Variants in MYCBP2 observed in about 807,000 individuals in gnomAD.
MYCBP2 encodes E3 ubiquitin-protein ligase MYCBP2.
In MYCBP2, 120 loss-of-function variants were observed where a neutral mutation model predicts 525.3. That is an observed-to-expected ratio of 0.23 (90% CI 0.20 to 0.27). The LOEUF is 0.27. Ranked by LOEUF, MYCBP2 falls within the 10% of genes least tolerant of loss-of-function variation. MYCBP2 has a pLI of 1.00. For missense variants in MYCBP2, 4,149 were observed against 5,657.1 expected (o/e 0.73, Z 8.55); for synonymous variants, 1,894 against 1,955.8 (o/e 0.97, Z 0.83).
chr13:77,169,136 C>T (rs940976622), intron 39 of MYCBP2, among the ~76,000 whole-genome samples: 3 of 152,178 alleles, frequency 2.0e-5, no homozygotes, highest in Non-Finnish European at 4.4e-5. Context: ...AGGCCGGGCG[C>T]GGTGGCTCAC....
rs780518407 is a variant in MYCBP2 at position 77,296,714 on chromosome 13, T to A, written c.303-40A>T. 1.0e-5 allele frequency: 13 copies of A among 1,252,280 alleles called. No homozygotes were observed. In the South Asian group the frequency reaches 1.7e-4, roughly 17 times the overall value. The allele number at this position is 1,252,280 out of a possible 1,614,324, so 77.6% of individuals were successfully genotyped here. A position where few individuals can be genotyped will look rare whatever the true frequency, so the allele number is the denominator to read the frequency against. On this transcript the variant is annotated intron_variant, in intron 1 of 82. Transcript: ENST00000544440. ...AAAAATGGGAAAAAAATATGAATGT[T>A]CATATTAGGACATACAAAGCTATCA...
At chr13:77,306,566 A>C (rs890183156) in intron 1 of MYCBP2, among the ~76,000 whole-genome samples, 1 of 152,156 alleles carries the variant, frequency 6.6e-6, no homozygotes, top group African/African-American at 2.4e-5. Context: ...GGGAATATGG[A>C]AGGGAGCATA....
intron 1 of MYCBP2, among the ~76,000 whole-genome samples, chr13:77,316,467 G>A (rs1236845212): frequency 2.0e-5 from 3 of 152,188 alleles, no homozygotes; most frequent in African/African-American, 7.2e-5. Context: ...GCAGTCGTGG[G>A]GGAATTTTGA....
At chr13:77,203,161 A>G (rs2062839865) in intron 26 of MYCBP2, among the ~76,000 whole-genome samples, 1 of 152,226 alleles carries the variant, frequency 6.6e-6, no homozygotes, top group Non-Finnish European at 1.5e-5. Context: ...ATCTCAGCCC[A>G]AAACCTCCTT....
intron 19 of MYCBP2, among the ~76,000 whole-genome samples, chr13:77,225,095 T>C (rs1244555847): frequency 1.3e-5 from 2 of 152,230 alleles, no homozygotes; most frequent in Non-Finnish European, 2.9e-5. Flanking sequence ...CATTTATCAC[T>C]GAACATTAAC....
intron 55 of MYCBP2, among the ~76,000 whole-genome samples, chr13:77,107,021 T>G (rs2047961037): frequency 6.6e-6 from 1 of 152,136 alleles, no homozygotes; most frequent in Non-Finnish European, 1.5e-5. Context: ...GTTTATGTAT[T>G]TATATATATT....
At chr13:77,152,661 T>C (rs1215118134) in intron 46 of MYCBP2, among the ~76,000 whole-genome samples, 2 of 152,088 alleles carry the variant, frequency 1.3e-5, no homozygotes, top group Non-Finnish European at 2.9e-5. Flanking sequence ...TGGCACCACT[T>C]AGGAGAGGAG....
Position 77,121,477 on chromosome 13 carries a change from TG to T in MYCBP2, c.8035del (p.Gln2679ArgfsTer70). On this transcript the variant is annotated frameshift_variant, in exon 55 of 83. Transcript: ENST00000544440. LOFTEE classifies it high-confidence loss of function. ...GCTTGGAGGAGGAGTTTGAGAATTC[TG>T]ATCCAGAAGAGCTTGTTCTACAATA... ...RHEDEQALLD[Q>X]NSQTPPPSPF... 6.3e-7 allele frequency: 1 copy of T among 1,583,506 alleles called. No homozygotes were observed. Among genetic ancestry groups the T allele is most frequent in the Non-Finnish European group, 8.6e-7 (1 of 1,159,926 alleles).
rs371811849 is a variant in MYCBP2 at position 77,174,263 on chromosome 13, T to G, written c.5651+48A>C. 1.9e-6 allele frequency: 3 copies of G among 1,579,954 alleles called. No homozygotes were observed. In the African/African-American group the frequency reaches 4.0e-5, roughly 21 times the overall value. On this transcript the variant is annotated intron_variant, in intron 37 of 82. Transcript: ENST00000544440. The stretch of plus-strand genomic sequence containing the variant: ...ATTTTACCTGGTAGTAGACTGTGTA[T>G]GTTCTACCACTGTAAAGTATTTCCG...
At chr13:77,121,258 C>T (rs189675363) in intron 55 of MYCBP2, 115 bp downstream of exon 55, 17 of 993,572 alleles carry the variant, frequency 1.7e-5, no homozygotes, top group East Asian at 1.2e-4. Flanking sequence ...TTTCCATGAA[C>T]AAATTTTAAT....
chr13:77,075,677 G>C (rs575252752), intron 68 of MYCBP2: 19 of 152,190 alleles, frequency 1.2e-4, no homozygotes, highest in African/African-American at 4.1e-4. Flanking sequence ...TTCTTTTTGG[G>C]GGGGGTGAGG....
At chr13:77,201,110 G>C (rs1334894621) in intron 26 of MYCBP2, among the ~76,000 whole-genome samples, 1 of 152,164 alleles carries the variant, frequency 6.6e-6, no homozygotes, top group Non-Finnish European at 1.5e-5. Flanking sequence ...ATTGGGTAAA[G>C]AGTCAAGACC....
At chr13:77,273,784 T>C in intron 4 of MYCBP2, 116 bp from the exon 5 acceptor site, 1 of 739,932 alleles carries the variant, frequency 1.4e-6, no homozygotes, top group Non-Finnish European at 1.9e-6. Context: ...TCTAGAACAA[T>C]TACTTTGCTT....
At chr13:77,303,131 G>C (rs140369025) in intron 1 of MYCBP2, among the ~76,000 whole-genome samples, 13 of 152,162 alleles carry the variant, frequency 8.5e-5, no homozygotes, top group Admixed American at 5.9e-4. Context: ...TCAGGTGTTC[G>C]AGACCAGCCT....
At chr13:77,115,921 G>A (rs1466563642) in intron 55 of MYCBP2, among the ~76,000 whole-genome samples, 1 of 151,402 alleles carries the variant, frequency 6.6e-6, no homozygotes, top group East Asian at 1.9e-4. Context: ...GCCAGACCTA[G>A]TTTAAATATA....
intron 54 of MYCBP2, among the ~76,000 whole-genome samples, chr13:77,124,665 A>G (rs2051339954): frequency 6.6e-6 from 1 of 152,184 alleles, no homozygotes; most frequent in Non-Finnish European, 1.5e-5. Context: ...TCACTATGAC[A>G]CTATTGTTCT....
chr13:77,120,175 A>G (rs2154156309), intron 55 of MYCBP2, among the ~76,000 whole-genome samples: 1 of 152,270 alleles, frequency 6.6e-6, no homozygotes, highest in African/African-American at 2.4e-5. Context: ...AGATTTTAAG[A>G]GTTGACAAAG....
chr13:77,071,718 A>T (rs543049520), intron 68 of MYCBP2, among the ~76,000 whole-genome samples: 2 of 152,326 alleles, frequency 1.3e-5, no homozygotes, highest in African/African-American at 4.8e-5. Context: ...ATTATTGATC[A>T]ACTTGAACTA....
intron 52 of MYCBP2, among the ~76,000 whole-genome samples, chr13:77,133,421 A>T (rs982131381): frequency 6.6e-6 from 1 of 152,228 alleles, no homozygotes; most frequent in Non-Finnish European, 1.5e-5. Context: ...ACAAACTGTG[A>T]AAACCTACTA....
Sources: allele counts gnomAD v4.1 joint callset (sites outside exome capture counted in the v4.1 genomes callset), GRCh38; gene constraint gnomAD v4.1.1; transcripts MANE v1.5; gene names NCBI Gene and HGNC (gene_info 2026-07-23, HGNC 2026-07-21).